Variants in ARHGEF28 observed in about 807,000 individuals in gnomAD.
ARHGEF28 encodes Rho guanine nucleotide exchange factor 28.
ARHGEF28 carries 152 observed loss-of-function variants against 206.6 expected under a neutral mutation model. The observed-to-expected ratio is 0.74, with a 90% CI of 0.64 to 0.84. The LOEUF is 0.84. ARHGEF28 is among the 40% of genes least tolerant of loss of function. ARHGEF28 has a pLI of 0.00. For synonymous variants in ARHGEF28, 763 were observed against 776.4 expected (o/e 0.98, Z 0.29); for missense variants, 2,028 against 2,073.2 (o/e 0.98, Z 0.42).
chr5:73,830,906 A>G (rs1757255455), intron 9 of ARHGEF28, among the ~76,000 whole-genome samples: 2 of 152,168 alleles, frequency 1.3e-5, no homozygotes, highest in South Asian at 4.1e-4. Context: ...TTTCTAATGG[A>G]CTAACAGCAG....
At chr5:73,663,579 G>A (rs1439384924) in intron 1 of ARHGEF28, among the ~76,000 whole-genome samples, 1 of 152,174 alleles carries the variant, frequency 6.6e-6, no homozygotes, top group Non-Finnish European at 1.5e-5. Context: ...TCCTCTGTAA[G>A]CTCCGAGCAT....
Position 73,881,439 on chromosome 5 carries a change from T to C in ARHGEF28, c.2815-1033T>C, listed in dbSNP as rs569552979. Reference sequence around the variant, plus strand: ...CTAATCCATGAACATCATATAGCACTTCATTTATTTAGATTTTTGTCATCT... The same window carrying C: ...CTAATCCATGAACATCATATAGCACCTCATTTATTTAGATTTTTGTCATCT... On this transcript the variant is annotated intron_variant, in intron 22 of 35. Coordinates refer to ENST00000513042, the MANE Select transcript of ARHGEF28 (RefSeq NM_001177693.2). 2.0e-5 allele frequency among the ~76,000 whole-genome samples: 3 copies of C among 152,350 alleles called. No individual in the cohort carries two copies. In the East Asian group the frequency reaches 5.8e-4, roughly 29 times the overall value.
chr5:73,696,972 T>A (rs1748254558), intron 2 of ARHGEF28, among the ~76,000 whole-genome samples: 1 of 152,226 alleles, frequency 6.6e-6, no homozygotes, highest in African/African-American at 2.4e-5. Context: ...GATAGAGAGA[T>A]GGTCCAGCAG....
chr5:73,719,079 G>T (rs1272593773), intron 2 of ARHGEF28, among the ~76,000 whole-genome samples: 1 of 152,334 alleles, frequency 6.6e-6, no homozygotes, highest in East Asian at 1.9e-4. Flanking sequence ...TCAAGACTCA[G>T]CTGTTTTGCC....
chr5:73,677,132 G>A (rs1459930364), intron 1 of ARHGEF28, among the ~76,000 whole-genome samples: 1 of 152,192 alleles, frequency 6.6e-6, no homozygotes, highest in Non-Finnish European at 1.5e-5. Flanking sequence ...GAGTGGAGTG[G>A]AGGGGAATAG....
At chr5:73,894,981 T>A (rs1343076234) in intron 29 of ARHGEF28, among the ~76,000 whole-genome samples, 1 of 151,072 alleles carries the variant, frequency 6.6e-6, no homozygotes. Context: ...CAGGCTCGCC[T>A]GAGGAGCAGG....
intron 6 of ARHGEF28, chr5:73,778,188 G>A (rs1753644743): frequency 1.3e-5 from 2 of 152,318 alleles, no homozygotes; most frequent in East Asian, 3.9e-4. Context: ...GCCAGCATCA[G>A]TTCCATGGGG....
intron 16 of ARHGEF28, among the ~76,000 whole-genome samples, chr5:73,859,364 G>A (rs192582193): frequency 6.6e-6 from 1 of 152,308 alleles, no homozygotes; most frequent in African/African-American, 2.4e-5. Flanking sequence ...TGGAAGGTGG[G>A]ATGGGAGCAC....
intron 26 of ARHGEF28, among the ~76,000 whole-genome samples, chr5:73,890,800 A>T (rs1333340167): frequency 1.3e-5 from 2 of 152,200 alleles, no homozygotes; most frequent in African/African-American, 4.8e-5. Flanking sequence ...AGCTCTGTAA[A>T]CACTGGTGGA....
chr5:73,685,358 T>C (rs1747395683), intron 2 of ARHGEF28, among the ~76,000 whole-genome samples: 1 of 152,140 alleles, frequency 6.6e-6, no homozygotes, highest in African/African-American at 2.4e-5. Context: ...TGTACTTAGA[T>C]GTGCCATCTA....
chr5:73,873,670 T>C (rs973451835), intron 22 of ARHGEF28, among the ~76,000 whole-genome samples: 6 of 152,178 alleles, frequency 3.9e-5, no homozygotes, highest in African/African-American at 1.4e-4. Flanking sequence ...CATCCTATCA[T>C]TTACAGCGAT....
intron 2 of ARHGEF28, among the ~76,000 whole-genome samples, chr5:73,704,507 C>T (rs1269792727): frequency 1.3e-5 from 2 of 152,148 alleles, no homozygotes; most frequent in East Asian, 3.9e-4. Flanking sequence ...TTACTGTAAC[C>T]TCTGTCTCCC....
chr5:73,846,167 C>A (rs960564039), intron 11 of ARHGEF28, 101 bp from the exon 12 acceptor site: 46 of 1,077,952 alleles, frequency 4.3e-5, no homozygotes, highest in African/African-American at 2.1e-4. Flanking sequence ...TATTGCACCC[C>A]CCCCGCCCCA....
chr5:73,736,428 C>G (rs957402881), intron 2 of ARHGEF28, among the ~76,000 whole-genome samples: 30 of 152,168 alleles, frequency 2.0e-4, no homozygotes, highest in Admixed American at 9.8e-4. Context: ...CTCGAAGTCT[C>G]TCTTTCCTCA....
At chr5:73,653,557 C>G (rs1477665384) in intron 1 of ARHGEF28, among the ~76,000 whole-genome samples, 1 of 152,192 alleles carries the variant, frequency 6.6e-6, no homozygotes, top group Non-Finnish European at 1.5e-5. Context: ...TGTCTCTCGT[C>G]TCAGCTTCTG....
chr5:73,674,054 C>G (rs182571121), intron 1 of ARHGEF28, among the ~76,000 whole-genome samples: 1 of 150,550 alleles, frequency 6.6e-6, no homozygotes, highest in East Asian at 2.0e-4. Flanking sequence ...TCCTGCAGTT[C>G]CAGCTACTCA....
chr5:73,669,789 C>G (rs1177476483), intron 1 of ARHGEF28, among the ~76,000 whole-genome samples: 1 of 152,168 alleles, frequency 6.6e-6, no homozygotes, highest in East Asian at 1.9e-4. Flanking sequence ...CAGATTCAAG[C>G]AATTCTGGTG....
chr5:73,665,203 C>T (rs1745874733), intron 1 of ARHGEF28, among the ~76,000 whole-genome samples: 1 of 152,332 alleles, frequency 6.6e-6, no homozygotes, highest in Admixed American at 6.5e-5. Flanking sequence ...ATTTGCCTCA[C>T]ATCCCTTCCC....
Position 73,840,559 on chromosome 5 carries a change from T to A in ARHGEF28, c.1226T>A (p.Leu409Gln), listed in dbSNP as rs1267066202. The A allele has an allele frequency of 6.2e-7, 1 of 1,614,014 alleles. No homozygotes were observed. The highest frequency in any genetic ancestry group is 2.2e-5 in the East Asian group (1 of 44,884). Residue 409 changes from leucine to glutamine, a missense_variant, in exon 11 of 36, where the codon CTG becomes CAG. Leu to Gln is a moderately radical substitution (Grantham distance 113). Transcript: ENST00000513042. Reference protein sequence around the residue: ...TTSPESRGCTLWPQSSKHTLP... With the variant: ...TTSPESRGCTQWPQSSKHTLP... Reference sequence around the variant, plus strand: ...AGCCCTGAATCCAGAGGTTGCACTCTGTGGCCTCAGAGCAGCAAACACACC... The same window carrying A: ...AGCCCTGAATCCAGAGGTTGCACTCAGTGGCCTCAGAGCAGCAAACACACC...
Sources: allele counts gnomAD v4.1 joint callset (sites outside exome capture counted in the v4.1 genomes callset), GRCh38; gene constraint gnomAD v4.1.1; transcripts MANE v1.5; gene names NCBI Gene and HGNC (gene_info 2026-07-23, HGNC 2026-07-21).